Variants in MBTD1 observed in about 807,000 individuals in gnomAD.
MBTD1 encodes the protein MBT domain-containing protein 1.
MBTD1 carries 24 observed loss-of-function variants against 87.8 expected under a neutral mutation model. That is an observed-to-expected ratio of 0.27 (90% CI 0.20 to 0.38). The LOEUF is 0.38. Ranked by LOEUF, MBTD1 falls within the 10% of genes least tolerant of loss-of-function variation. MBTD1 has a pLI of 1.00. For synonymous variants in MBTD1, 237 were observed against 248.6 expected, an observed-to-expected ratio of 0.95 and a Z score of 0.44; for missense variants, 436 against 760.2, an observed-to-expected ratio of 0.57 and a Z score of 5.02.
intron 6 of MBTD1, among the ~76,000 whole-genome samples, 169 bp downstream of exon 6, chr17:51,217,165 T>G (rs1222657993): frequency 1.3e-5 from 2 of 152,184 alleles, no homozygotes; most frequent in Non-Finnish European, 2.9e-5. Context: ...TTACAAAACT[T>G]ACAGAAGTTC....
rs2050206958 is a variant in MBTD1, at chr17:51,179,488, A to ATATATATATTTT, written c.*1087_*1088insAAAATATATATA. On this transcript the variant is annotated 3_prime_UTR_variant, in exon 17 of 17. Coordinates refer to ENST00000586178, the MANE Select transcript of MBTD1 (RefSeq NM_017643.3). Reference sequence around the variant, plus strand: ...TGAATACAATTAAAGACAATTTTATATATATATATATATATATATATATAT... The same window carrying ATATATATATTTT: ...TGAATACAATTAAAGACAATTTTATATATATATATTTTTATATATATATATATATATATATAT... The ATATATATATTTT allele has an allele frequency of 7.6e-4, 14 of 18,464 alleles. 2 individuals carry two copies. Among genetic ancestry groups the ATATATATATTTT allele is most frequent in the Non-Finnish European group, 3.4e-4 (3 of 8,884 alleles). 1.1% of individuals were successfully genotyped at this position (18,464 alleles called of 1,614,324 possible).
At chr17:51,184,102 A>C (rs1487782652) in intron 16 of MBTD1, 1 of 152,256 alleles carries the variant, frequency 6.6e-6, no homozygotes, top group Non-Finnish European at 1.5e-5. Flanking sequence ...GTGCTAAAAA[A>C]AGTCACTCAA....
chr17:51,235,138 ATTT>A, intron 2 of MBTD1, among the ~76,000 whole-genome samples: 1 of 150,956 alleles, frequency 6.6e-6, no homozygotes, highest in Admixed American at 6.6e-5. Context: ...ATAGGATGCA[ATTT>A]TTTTTTTCTT....
At position 51,212,274 on chromosome 17, in the gene MBTD1, A is replaced by C. The variant is rs1315483982; in HGVS notation, c.486+5060T>G. Among the ~76,000 whole-genome samples the C allele has an allele frequency of 2.6e-5, 4 of 151,676 alleles. No homozygotes were observed. The East Asian group carries it at 7.8e-4, about 29-fold the overall frequency. The stretch of plus-strand genomic sequence containing the variant: ...TCAGGAGGCTGAGGCAAGAGAATTG[A>C]TTGAACCCGGGAAGCAGAGGTTGCA... On this transcript the variant is annotated intron_variant, in intron 6 of 16. Transcript: ENST00000586178.
chr17:51,229,270 A>G (rs2053420722), intron 2 of MBTD1, among the ~76,000 whole-genome samples: 1 of 152,068 alleles, frequency 6.6e-6, no homozygotes, highest in African/African-American at 2.4e-5. Context: ...TTTGGCACCT[A>G]TCCTTTTTCT....
chr17:51,259,263 C>T, intron 1 of MBTD1, 57 bp from the exon 2 acceptor site: 4 of 1,231,830 alleles, frequency 3.2e-6, no homozygotes, highest in Non-Finnish European at 4.0e-6. Context: ...CAGAAGTCCA[C>T]CGACTTGAAA....
chr17:51,245,212 T>A (rs2054364297), intron 2 of MBTD1, among the ~76,000 whole-genome samples: 1 of 152,204 alleles, frequency 6.6e-6, no homozygotes, highest in South Asian at 2.1e-4. Flanking sequence ...AGAGGATTTT[T>A]TTGTTATCTT....
At chr17:51,186,728 C>G (rs1375673512) in intron 16 of MBTD1, among the ~76,000 whole-genome samples, 2 of 145,550 alleles carry the variant, frequency 1.4e-5, no homozygotes, top group Non-Finnish European at 3.1e-5. Context: ...GAGCCGAGAT[C>G]GTGCCACTGC....
intron 16 of MBTD1, chr17:51,183,590 C>T (rs564151806): frequency 8.4e-4 from 128 of 152,284 alleles, no homozygotes; most frequent in African/African-American, 3.0e-3. Context: ...AAAGTGAATA[C>T]GTTATGCATA....
intron 16 of MBTD1, among the ~76,000 whole-genome samples, chr17:51,189,409 T>C (rs1363000048): frequency 6.6e-6 from 1 of 152,228 alleles, no homozygotes; most frequent in East Asian, 1.9e-4. Flanking sequence ...ATATGTTGCA[T>C]ATAGACCAAA....
At chr17:51,252,627 G>C (rs886752267) in intron 2 of MBTD1, among the ~76,000 whole-genome samples, 1 of 151,966 alleles carries the variant, frequency 6.6e-6, no homozygotes, top group African/African-American at 2.4e-5. Flanking sequence ...CCAGCTACCA[G>C]GGAGGCTGAG....
At chr17:51,222,169 T>C (rs989569376) in intron 3 of MBTD1, among the ~76,000 whole-genome samples, 18 of 152,246 alleles carry the variant, frequency 1.2e-4, no homozygotes, top group Admixed American at 6.5e-4. Context: ...AGGAAACTTA[T>C]TCTGTGTTGT....
chr17:51,245,440 A>T (rs1228061994), intron 2 of MBTD1, among the ~76,000 whole-genome samples: 1 of 152,210 alleles, frequency 6.6e-6, no homozygotes, highest in East Asian at 1.9e-4. Context: ...ATTATGAGTC[A>T]GAAAATTTTT....
At chr17:51,246,417 A>AT (rs2054438881) in intron 2 of MBTD1, among the ~76,000 whole-genome samples, 1 of 152,086 alleles carries the variant, frequency 6.6e-6, no homozygotes, top group South Asian at 2.1e-4. Flanking sequence ...AGGTTTTTGG[A>AT]TTAGGGATGC....
At chr17:51,190,003 C>T (rs1223046363) in intron 16 of MBTD1, among the ~76,000 whole-genome samples, 1 of 152,188 alleles carries the variant, frequency 6.6e-6, no homozygotes, top group Non-Finnish European at 1.5e-5. Context: ...CTGTAGGTTG[C>T]TACTTGTGTG....
At chr17:51,254,355 G>A (rs974592484) in intron 2 of MBTD1, among the ~76,000 whole-genome samples, 1 of 152,136 alleles carries the variant, frequency 6.6e-6, no homozygotes, top group African/African-American at 2.4e-5. Flanking sequence ...GAACATAAAT[G>A]GTAAGGATTT....
intron 2 of MBTD1, among the ~76,000 whole-genome samples, chr17:51,235,999 A>C (rs2053808225): frequency 6.6e-6 from 1 of 152,192 alleles, no homozygotes; most frequent in Admixed American, 6.5e-5. Flanking sequence ...ACCTCTATCT[A>C]TCTATCGGTC....
chr17:51,226,055 A>G (rs569041616), intron 2 of MBTD1, among the ~76,000 whole-genome samples: 61 of 149,740 alleles, frequency 4.1e-4, no homozygotes, highest in Non-Finnish European at 7.1e-4. Flanking sequence ...CTGAGATTAC[A>G]GGTGTGAGGC....
intron 12 of MBTD1, among the ~76,000 whole-genome samples, chr17:51,197,614 C>G (rs1233779681): frequency 6.6e-6 from 1 of 151,406 alleles, no homozygotes; most frequent in Non-Finnish European, 1.5e-5. Flanking sequence ...TCAGGTGATG[C>G]TCCCACCCTA....
Sources: gnomAD v4.1 joint callset for allele counts (sites outside exome capture counted in the v4.1 genomes callset) on GRCh38, gnomAD v4.1.1 for gene constraint, MANE v1.5 for transcripts, NCBI Gene and HGNC (gene_info 2026-07-23, HGNC 2026-07-21) for gene names.